Variants in CENPH observed in about 807,000 individuals in gnomAD.
CENPH encodes the protein centromere protein H.
A neutral mutation model predicts 42.9 loss-of-function variants in CENPH; 40 were observed. The ratio of observed to expected loss-of-function variants is 0.93; its 90% CI spans 0.72 to 1.21. CENPH has a LOEUF of 1.21. CENPH is among the 50% of genes most tolerant of loss of function. The pLI, the probability that CENPH is intolerant of heterozygous loss-of-function variation, is 0.00. For synonymous variants in CENPH, 88 were observed against 96.5 expected (o/e 0.91, Z 0.52); for missense variants, 302 against 292.9 (o/e 1.03, Z -0.23).
chr5:69,190,645 C>T (rs1178200318), intron 1 of CENPH, among the ~76,000 whole-genome samples: 3 of 152,130 alleles, frequency 2.0e-5, no homozygotes, highest in East Asian at 1.9e-4. Context: ...TTTGGGATGC[C>T]GAGGCAGACG....
intron 7 of CENPH, among the ~76,000 whole-genome samples, chr5:69,205,291 G>A (rs985220862): frequency 8.6e-5 from 13 of 151,376 alleles, no homozygotes; most frequent in Admixed American, 6.6e-4. Flanking sequence ...GCAGTGGCGC[G>A]ATCTTGGCTC....
Position 69,194,590 on chromosome 5 carries a change from C to T in CENPH, c.191-57C>T, listed in dbSNP as rs1580224021. On this transcript the variant is annotated intron_variant, in intron 2 of 8. Coordinates refer to ENST00000283006, the MANE Select transcript of CENPH (RefSeq NM_022909.4). Reference sequence around the variant, plus strand: ...TGCCCTTGTGGCTTACATTATATTCCTTTTGGACAGCACCTCTCTAAAATG... The same window carrying T: ...TGCCCTTGTGGCTTACATTATATTCTTTTTGGACAGCACCTCTCTAAAATG... The T allele has an allele frequency of 3.9e-6, 4 of 1,028,602 alleles. No homozygotes were observed. The East Asian group carries it at 7.5e-5, about 19-fold the overall frequency. 63.7% of individuals were successfully genotyped at this position (1,028,602 alleles called of 1,614,324 possible). A position where few individuals can be genotyped will look rare whatever the true frequency, so the allele number is the denominator to read the frequency against.
chr5:69,189,833 C>T, intron 1 of CENPH, 65 bp downstream of exon 1: 2 of 1,407,006 alleles, frequency 1.4e-6, no homozygotes, highest in Non-Finnish European at 1.9e-6. Context: ...TCCGCCCTTG[C>T]TCAGAAGGGC....
Position 69,209,745 on chromosome 5 carries a change from T to C in CENPH, c.690T>C (p.Asp230=), listed in dbSNP as rs1011110991. 5 of 1,605,318 alleles carry C rather than the reference T, an allele frequency of 3.1e-6. No homozygotes were observed. Among genetic ancestry groups the C allele is most frequent in the Non-Finnish European group, 4.3e-6 (5 of 1,173,694 alleles). ...GGAGTAAAGTCAATTGGGCAGAGGATCCTGCCCTTAAGGAAATTGTTCTGC... is the reference window on the plus strand; with the variant it reads ...GGAGTAAAGTCAATTGGGCAGAGGACCCTGCCCTTAAGGAAATTGTTCTGC... ...ILGSKVNWAE[D]PALKEIVLQL... is the part of the protein sequence containing the mutation. Residue 230 remains aspartate, a synonymous_variant, in exon 9 of 9, where the codon GAT becomes GAC. Transcript: ENST00000283006.
At chr5:69,196,998 A>G in intron 4 of CENPH, 55 bp from the exon 5 acceptor site, 1 of 1,121,164 alleles carries the variant, frequency 8.9e-7, no homozygotes, top group Non-Finnish European at 1.3e-6. Context: ...GAATTTTTTT[A>G]ATGTACCACA....
chr5:69,195,044 A>G (rs923553012), intron 3 of CENPH, among the ~76,000 whole-genome samples: 1 of 152,070 alleles, frequency 6.6e-6, no homozygotes, highest in Non-Finnish European at 1.5e-5. Flanking sequence ...AGCCTGACCA[A>G]CATGGAGAAA....
rs1379923206 is a variant in CENPH at position 69,209,835 on chromosome 5, C to A, written c.*36C>A. ...TTTCTGACATATTTTACATTTCTGG[C>A]AATCTCAACTCTTATTTGGAATACT... On this transcript the variant is annotated 3_prime_UTR_variant, in exon 9 of 9. Transcript: ENST00000283006. 8.6e-7 allele frequency: 1 copy of A among 1,164,376 alleles called. No individual in the cohort carries two copies. The highest frequency in any genetic ancestry group is 1.3e-6 in the Non-Finnish European group (1 of 778,486). 72.1% of individuals were successfully genotyped at this position (1,164,376 alleles called of 1,614,324 possible). A position where few individuals can be genotyped will look rare whatever the true frequency, so the allele number is the denominator to read the frequency against.
rs568468249 is a variant in CENPH at position 69,202,662 on chromosome 5, C to T, written c.435+93C>T. 243 of 796,404 alleles carry T rather than the reference C, an allele frequency of 3.1e-4. 2 individuals carry two copies. Among genetic ancestry groups the T allele is most frequent in the South Asian group, 1.2e-3 (72 of 58,918 alleles). The allele number at this position is 796,404 out of a possible 1,614,324, so 49.3% of individuals were successfully genotyped here. ...TATTGTATATGATTAAATAGATTGTCCAAAGGGAATGCTATGATTGGAATT... is the reference window on the plus strand; with the variant it reads ...TATTGTATATGATTAAATAGATTGTTCAAAGGGAATGCTATGATTGGAATT... On this transcript the variant is annotated intron_variant, in intron 6 of 8. Transcript: ENST00000283006.
At chr5:69,206,522 C>T (rs1404074625) in intron 7 of CENPH, among the ~76,000 whole-genome samples, 1 of 151,612 alleles carries the variant, frequency 6.6e-6, no homozygotes, top group Non-Finnish European at 1.5e-5. Flanking sequence ...GAGTTTCGCT[C>T]TTGTCACCCA....
At chr5:69,193,376 G>A (rs1747911016) in intron 2 of CENPH, among the ~76,000 whole-genome samples, 1 of 149,224 alleles carries the variant, frequency 6.7e-6, no homozygotes, top group African/African-American at 2.5e-5. Flanking sequence ...GGATCAATCT[G>A]TAATCCCAGC....
intron 5 of CENPH, among the ~76,000 whole-genome samples, chr5:69,198,942 C>G (rs961495392): frequency 2.2e-5 from 2 of 92,960 alleles, no homozygotes; most frequent in Non-Finnish European, 4.2e-5. Context: ...GACCCCATCT[C>G]AAAAACAAAA....
chr5:69,196,238 T>G (rs960215848), intron 4 of CENPH, among the ~76,000 whole-genome samples: 3 of 151,808 alleles, frequency 2.0e-5, no homozygotes, highest in African/African-American at 7.3e-5. Flanking sequence ...GTCACACAGA[T>G]TTTGAGCCCT....
chr5:69,208,175 A>T, intron 7 of CENPH, 21 bp from the exon 8 acceptor site: 1 of 1,321,232 alleles, frequency 7.6e-7, no homozygotes, highest in Non-Finnish European at 1.1e-6. Flanking sequence ...ATGGTATATT[A>T]TTTTATTTTT....
chr5:69,206,391 G>A (rs1018003620), intron 7 of CENPH, among the ~76,000 whole-genome samples: 3 of 151,478 alleles, frequency 2.0e-5, no homozygotes, highest in East Asian at 3.9e-4. Flanking sequence ...ACATTGGTCC[G>A]GCTGGTCTCG....
Position 69,209,667 on chromosome 5 carries a change from A to G in CENPH, c.652-40A>G, listed in dbSNP as rs138536652. ...TATTCTAAAATCTTGTTAAATTTTTAAAGTACTTGTAACTTTAAAACAATT... is the reference window on the plus strand; with the variant it reads ...TATTCTAAAATCTTGTTAAATTTTTGAAGTACTTGTAACTTTAAAACAATT... On this transcript the variant is annotated intron_variant, in intron 8 of 8. Coordinates refer to ENST00000283006, the MANE Select transcript of CENPH (RefSeq NM_022909.4). The G allele has an allele frequency of 3.2e-6, 3 of 943,386 alleles. No homozygotes were observed. In the African/African-American group the frequency reaches 5.0e-5, roughly 16 times the overall value. The allele number at this position is 943,386 out of a possible 1,614,324, so 58.4% of individuals were successfully genotyped here. A position where few individuals can be genotyped will look rare whatever the true frequency, so the allele number is the denominator to read the frequency against.
chr5:69,196,314 G>T (rs1747963164), intron 4 of CENPH, among the ~76,000 whole-genome samples: 1 of 152,180 alleles, frequency 6.6e-6, no homozygotes, highest in Admixed American at 6.5e-5. Flanking sequence ...TAAACCCATT[G>T]TAAGTTGAAA....
intron 3 of CENPH, among the ~76,000 whole-genome samples, chr5:69,195,068 G>A (rs1312680228): frequency 2.6e-5 from 4 of 151,918 alleles, no homozygotes; most frequent in Non-Finnish European, 5.9e-5. Flanking sequence ...CATCTCTACT[G>A]AAAATACAAA....
At chr5:69,208,753 G>T (rs1056124110) in intron 8 of CENPH, among the ~76,000 whole-genome samples, 1 of 152,094 alleles carries the variant, frequency 6.6e-6, no homozygotes, top group African/African-American at 2.4e-5. Context: ...TGGTCTGTTT[G>T]TATATATCTG....
intron 3 of CENPH, 133 bp from the exon 4 acceptor site, chr5:69,195,584 T>C: frequency 1.7e-6 from 1 of 603,130 alleles, no homozygotes. Context: ...TACACATTGG[T>C]ATATTGAGCC....
Sources: allele counts gnomAD v4.1 joint callset (sites outside exome capture counted in the v4.1 genomes callset), GRCh38; gene constraint gnomAD v4.1.1; transcripts MANE v1.5; gene names NCBI Gene and HGNC (gene_info 2026-07-23, HGNC 2026-07-21).